ELMO1: variants seen among roughly 807,000 people sequenced by gnomAD.
ELMO1 encodes engulfment and cell motility protein 1.
Under a neutral mutation model 98.9 loss-of-function variants are expected in ELMO1, and 26 were observed. That is an observed-to-expected ratio of 0.26 (90% CI 0.19 to 0.36). The LOEUF (loss-of-function observed/expected upper bound fraction) is 0.36. Ranked by LOEUF, ELMO1 falls within the 10% of genes least tolerant of loss-of-function variation. ELMO1 has a pLI of 1.00. For missense variants in ELMO1, 627 were observed against 935.2 expected, an observed-to-expected ratio of 0.67 and a Z score of 4.30; for synonymous variants, 346 against 346.0, an observed-to-expected ratio of 1.00 and a Z score of 0.00.
At chr7:37,220,663 TGA>T (rs1793541688) in intron 10 of ELMO1, among the ~76,000 whole-genome samples, 1 of 152,200 alleles carries the variant, frequency 6.6e-6, no homozygotes, top group Non-Finnish European at 1.5e-5. Context: ...TCCATGGTCA[TGA>T]GAGTCCAATT....
chr7:37,168,202 G>A (rs561563002), intron 13 of ELMO1, among the ~76,000 whole-genome samples: 1 of 152,238 alleles, frequency 6.6e-6, no homozygotes, highest in Admixed American at 6.5e-5. Context: ...GCTCCTTTAA[G>A]TACTTCTCTG....
chr7:36,938,359 G>T (rs1398033868), intron 16 of ELMO1, among the ~76,000 whole-genome samples: 3 of 152,208 alleles, frequency 2.0e-5, no homozygotes, highest in African/African-American at 7.2e-5. Context: ...CCACATGTGG[G>T]TGGGTCAACC....
At position 37,007,482 on chromosome 7, in the gene ELMO1, A is replaced by C. The variant is rs2129168311; in HGVS notation, c.1437+5817T>G. The stretch of plus-strand genomic sequence containing the variant: ...TACAGTCACCTGCCTCACGCAAATG[A>C]GGAGACTCATGTTTATTCATGATGA... On this transcript the variant is annotated intron_variant, in intron 16 of 21. Coordinates refer to ENST00000310758, the MANE Select transcript of ELMO1 (RefSeq NM_014800.11). Among the ~76,000 whole-genome samples, 2 of 152,316 alleles carry C rather than the reference A, an allele frequency of 1.3e-5. 1 individual carries two copies. Among genetic ancestry groups the C allele is most frequent in the South Asian group, 4.1e-4 (2 of 4,822 alleles).
At chr7:36,997,193 T>C (rs1792284147) in intron 16 of ELMO1, among the ~76,000 whole-genome samples, 1 of 152,214 alleles carries the variant, frequency 6.6e-6, no homozygotes, top group African/African-American at 2.4e-5. Context: ...GGCTAAGCTA[T>C]GACAGGAGAA....
rs954953376 is a variant in ELMO1 at position 37,218,698 on chromosome 7, T to C, written c.781-2003A>G. ...TAAAAGAAGTTTAGAAAAACTACAATGCATGTAGTATGCTCACATTTGGTG... is the reference window on the plus strand; with the variant it reads ...TAAAAGAAGTTTAGAAAAACTACAACGCATGTAGTATGCTCACATTTGGTG... On this transcript the variant is annotated intron_variant, in intron 10 of 21. Coordinates refer to ENST00000310758, the MANE Select transcript of ELMO1 (RefSeq NM_014800.11). Among the ~76,000 whole-genome samples, 4 of 152,228 alleles carry C rather than the reference T, an allele frequency of 2.6e-5. No individual in the cohort carries two copies. In the East Asian group the frequency reaches 7.7e-4, roughly 29 times the overall value.
chr7:37,256,669 G>A (rs1331195606), intron 6 of ELMO1, among the ~76,000 whole-genome samples: 1 of 136,210 alleles, frequency 7.3e-6, no homozygotes, highest in Non-Finnish European at 1.6e-5. Context: ...GGAAGGGAGG[G>A]AGAGAAGGGA....
intron 5 of ELMO1, chr7:37,270,679 CAAG>C (rs1352380903): frequency 2.6e-5 from 4 of 152,006 alleles, no homozygotes; most frequent in African/African-American, 9.7e-5. Flanking sequence ...TAGGAAAGAC[CAAG>C]AAGAGAGACA....
At chr7:37,302,391 C>T (rs921478483) in intron 4 of ELMO1, among the ~76,000 whole-genome samples, 2 of 152,046 alleles carry the variant, frequency 1.3e-5, no homozygotes, top group Non-Finnish European at 2.9e-5. Context: ...TAGGTCATAA[C>T]GAGCCATGCA....
At chr7:37,184,027 G>A (rs1209876336) in intron 13 of ELMO1, among the ~76,000 whole-genome samples, 1 of 152,080 alleles carries the variant, frequency 6.6e-6, no homozygotes, top group African/African-American at 2.4e-5. Context: ...AACATGGTTT[G>A]TTTTTCTCAT....
chr7:37,095,885 A>G (rs537514364), intron 15 of ELMO1, among the ~76,000 whole-genome samples: 39 of 152,330 alleles, frequency 2.6e-4, no homozygotes, highest in African/African-American at 9.1e-4. Context: ...GGAAAGATTT[A>G]TATGTGTGCT....
At chr7:37,125,424 T>A (rs1392213176) in intron 14 of ELMO1, among the ~76,000 whole-genome samples, 5 of 151,984 alleles carry the variant, frequency 3.3e-5, no homozygotes, top group African/African-American at 1.2e-4. Flanking sequence ...TACAAAGAAC[T>A]CAAACAAATT....
At chr7:36,996,438 T>C (rs971781471) in intron 16 of ELMO1, among the ~76,000 whole-genome samples, 1 of 152,304 alleles carries the variant, frequency 6.6e-6, no homozygotes, top group African/African-American at 2.4e-5. Flanking sequence ...TTCTTTTTGG[T>C]AGGCACTCTG....
chr7:37,306,412 T>C (rs1455020814), intron 4 of ELMO1, among the ~76,000 whole-genome samples: 1 of 152,210 alleles, frequency 6.6e-6, no homozygotes, highest in Admixed American at 6.5e-5. Flanking sequence ...TTGGACTTCA[T>C]TCTCTGTTGG....
intron 18 of ELMO1, among the ~76,000 whole-genome samples, chr7:36,884,568 CTTAT>C (rs1804771094): frequency 6.6e-6 from 1 of 152,120 alleles, no homozygotes; most frequent in Admixed American, 6.5e-5. Flanking sequence ...TTCAACCCAG[CTTAT>C]TGTGTCTTTT....
At chr7:36,972,876 T>C (rs1010926599) in intron 16 of ELMO1, among the ~76,000 whole-genome samples, 1 of 152,034 alleles carries the variant, frequency 6.6e-6, no homozygotes, top group African/African-American at 2.4e-5. Context: ...TACCTCCCAG[T>C]TTCAAGCGAT....
intron 9 of ELMO1, among the ~76,000 whole-genome samples, chr7:37,223,983 C>G (rs898523665): frequency 6.6e-6 from 1 of 150,740 alleles, no homozygotes; most frequent in Non-Finnish European, 1.5e-5. Flanking sequence ...CCAGGGGCAA[C>G]AGTTAGGGGG....
At chr7:37,325,022 C>T (rs1175914930) in intron 2 of ELMO1, among the ~76,000 whole-genome samples, 1 of 152,130 alleles carries the variant, frequency 6.6e-6, no homozygotes, top group Admixed American at 6.5e-5. Context: ...TGAAACAGCA[C>T]CTGGTACATA....
At chr7:36,929,844 T>C (rs556442680) in intron 16 of ELMO1, among the ~76,000 whole-genome samples, 1 of 152,306 alleles carries the variant, frequency 6.6e-6, no homozygotes, top group East Asian at 1.9e-4. Context: ...CCAGAGCTTG[T>C]CCGGTCCATG....
chr7:37,081,928 G>A (rs962492247), intron 15 of ELMO1, among the ~76,000 whole-genome samples: 6 of 152,124 alleles, frequency 3.9e-5, no homozygotes, highest in African/African-American at 7.2e-5. Context: ...GTTCTCACCC[G>A]GGCAAGTCGA....
Sources: allele counts gnomAD v4.1 joint callset (sites outside exome capture counted in the v4.1 genomes callset), GRCh38; gene constraint gnomAD v4.1.1; transcripts MANE v1.5; gene names NCBI Gene and HGNC (gene_info 2026-07-23, HGNC 2026-07-21).